Variants in ATAD2B observed in about 807,000 individuals in gnomAD.
The protein encoded by ATAD2B is ATPase family AAA domain-containing protein 2B.
In ATAD2B, 40 loss-of-function variants were observed where a neutral mutation model predicts 167.6. The ratio of observed to expected loss-of-function variants is 0.24; its 90% confidence interval spans 0.19 to 0.31. The LOEUF (loss-of-function observed/expected upper bound fraction) is 0.31, where lower values mean the gene tolerates loss of function less well. Among genes scored for constraint, ATAD2B ranks in the 10% least tolerant of loss-of-function variants. The pLI is 1.00. For synonymous variants in ATAD2B, 579 were observed against 596.5 expected, an observed-to-expected ratio of 0.97 and a Z score of 0.43; for missense variants, 1,242 against 1,757.2, an observed-to-expected ratio of 0.71 and a Z score of 5.24.
chr2:23,738,106 C>A, the ATAD2B span, among the ~76,000 whole-genome samples: 4 of 152,156 alleles, frequency 2.6e-5, no homozygotes, highest in African/African-American at 9.7e-5. Context: ...GAGAATGGAA[C>A]CAAGTTGGAA....
At chr2:23,679,336 T>G in the ATAD2B span, among the ~76,000 whole-genome samples, 1 of 152,226 alleles carries the variant, frequency 6.6e-6, no homozygotes, top group African/African-American at 2.4e-5. Flanking sequence ...AAATGCCTCA[T>G]CTGGGACAGC....
chr2:23,765,664 CAAATA>C (rs1677305840), intron 22 of ATAD2B, 36 bp from the exon 23 acceptor site: 1 of 1,218,286 alleles, frequency 8.2e-7, no homozygotes, highest in Non-Finnish European at 1.1e-6. Context: ...ATTATAGAAA[CAAATA>C]AAATAACATT....
chr2:23,909,283 G>C (rs895644987), intron 1 of ATAD2B, among the ~76,000 whole-genome samples: 12 of 151,984 alleles, frequency 7.9e-5, no homozygotes, highest in African/African-American at 2.9e-4. Context: ...GGTGGCACAT[G>C]CCTGTAGTCC....
chr2:23,906,594 T>A (rs115861480), intron 1 of ATAD2B, among the ~76,000 whole-genome samples: 15,933 of 152,140 alleles, frequency 0.1, 942 homozygotes, highest in Middle Eastern at 0.17. Context: ...TAATATTGAC[T>A]GTGGGGTGTT....
At chr2:23,824,462 C>A (rs998760900) in intron 15 of ATAD2B, among the ~76,000 whole-genome samples, 1 of 152,120 alleles carries the variant, frequency 6.6e-6, no homozygotes. Context: ...TATTCTACTA[C>A]CAACTCTGAG....
chr2:23,812,531 A>G (rs1265714949), intron 17 of ATAD2B, among the ~76,000 whole-genome samples: 1 of 152,184 alleles, frequency 6.6e-6, no homozygotes, highest in Admixed American at 6.5e-5. Flanking sequence ...ACTTTAACTG[A>G]AAGAACAATC....
At chr2:23,701,622 AG>A in the ATAD2B span, among the ~76,000 whole-genome samples, 1 of 152,042 alleles carries the variant, frequency 6.6e-6, no homozygotes, top group African/African-American at 2.4e-5. Flanking sequence ...CTGAGGTGGG[AG>A]AATTGTTTAA....
At chr2:23,754,591 C>G in intron 26 of ATAD2B, 56 bp downstream of exon 26, 1 of 1,583,552 alleles carries the variant, frequency 6.3e-7, no homozygotes, top group Non-Finnish European at 8.6e-7. Context: ...TGCCTACAAA[C>G]ACATTCAAAT....
chr2:23,885,893 T>G, intron 4 of ATAD2B, 64 bp from the exon 5 acceptor site: 10 of 927,110 alleles, frequency 1.1e-5, no homozygotes, highest in Non-Finnish European at 1.5e-5. Flanking sequence ...AAAGAGCTCT[T>G]TGTGAAAGTG....
chr2:23,913,714 A>C (rs950509704), intron 1 of ATAD2B, among the ~76,000 whole-genome samples: 1 of 152,184 alleles, frequency 6.6e-6, no homozygotes, highest in Non-Finnish European at 1.5e-5. Context: ...AAATTGAAAA[A>C]CAACCCCCAA....
At chr2:23,709,335 C>T in the ATAD2B span, among the ~76,000 whole-genome samples, 1 of 152,168 alleles carries the variant, frequency 6.6e-6, no homozygotes, top group Admixed American at 6.5e-5. Context: ...AGCCACTGCG[C>T]CCAGCCAGGG....
chr2:23,860,835 G>A (rs1283321203), intron 12 of ATAD2B, among the ~76,000 whole-genome samples: 2 of 152,146 alleles, frequency 1.3e-5, no homozygotes, highest in East Asian at 1.9e-4. Flanking sequence ...GCTGGACATG[G>A]TGGCAGGTGC....
chr2:23,773,878 C>T (rs1678707208), intron 22 of ATAD2B, among the ~76,000 whole-genome samples: 1 of 152,082 alleles, frequency 6.6e-6, no homozygotes, highest in African/African-American at 2.4e-5. Flanking sequence ...AAAGATATTA[C>T]CACTTACATT....
chr2:23,907,292 G>A (rs368052077), intron 1 of ATAD2B, among the ~76,000 whole-genome samples: 4 of 151,938 alleles, frequency 2.6e-5, no homozygotes, highest in Admixed American at 6.6e-5. Flanking sequence ...AAATCAATGT[G>A]CAAAAATCAC....
At chr2:23,922,692 ACT>A (rs1704120909) in intron 1 of ATAD2B, among the ~76,000 whole-genome samples, 1 of 129,866 alleles carries the variant, frequency 7.7e-6, no homozygotes, top group Non-Finnish European at 1.7e-5. Context: ...TCAGAGTAAG[ACT>A]CTGTCTCAAA....
At chr2:23,746,673 C>T (rs1461430864), downstream of ATAD2B, among the ~76,000 whole-genome samples, 3 of 152,086 alleles carry the variant, frequency 2.0e-5, no homozygotes, top group Admixed American at 2.0e-4. Context: ...AATAAATCAA[C>T]AGAATGTGCT....
intron 8 of ATAD2B, chr2:23,872,743 C>T: frequency 2.0e-6 from 2 of 1,004,804 alleles, no homozygotes; most frequent in Non-Finnish European, 3.1e-6. Flanking sequence ...CATAGTGCTG[C>T]TCACTGAGGC....
At chr2:23,896,036 G>A (rs1700105057) in intron 1 of ATAD2B, 66 bp from the exon 2 acceptor site, 25 of 1,373,842 alleles carry the variant, frequency 1.8e-5, no homozygotes, top group Non-Finnish European at 2.4e-5. Flanking sequence ...TTAATACTAG[G>A]GGCCAGGCAG....
chr2:23,757,597 T>C lies in ATAD2B; in HGVS notation c.3899A>G (p.Asp1300Gly), dbSNP rs1196648424. The change falls in exon 25 of 28, where the codon GAT becomes GGT. Residue 1300 changes from aspartate to glycine, a missense_variant. Around this residue, in one of 9 missense-constraint regions of ATAD2B, gnomAD observed 282 missense variants for 346.8 expected, o/e 0.81. Coordinates refer to ENST00000238789, the MANE Select transcript of ATAD2B (RefSeq NM_017552.4). ...AATCTTTTGTTCAGAACTACATTTA[T>C]CTCCACTATCACAGAAAGAAACTAC... ...LEVVSFCDSG[D>G]KCSSEQKILL... 1.9e-6 allele frequency: 3 copies of C among 1,613,652 alleles called. No individual in the cohort carries two copies. Among genetic ancestry groups the C allele is most frequent in the Non-Finnish European group, 2.5e-6 (3 of 1,179,684 alleles).
Sources: gnomAD v4.1 joint callset for allele counts (sites outside exome capture counted in the v4.1 genomes callset) on GRCh38, gnomAD v4.1.1 for gene constraint, gnomAD v4.1.1 regional missense constraint, MANE v1.5 for transcripts, NCBI Gene and HGNC (gene_info 2026-07-23, HGNC 2026-07-21) for gene names.